The following COL3A1 variants were observed in gnomAD, a reference collection of about 807,000 sequenced individuals.
COL3A1 encodes collagen alpha-1(III) chain.
COL3A1 carries 46 observed loss-of-function variants against 200.9 expected under a neutral mutation model. The ratio of observed to expected loss-of-function variants is 0.23; its 90% CI spans 0.18 to 0.29. COL3A1 has a LOEUF of 0.29. Among genes scored for constraint, COL3A1 ranks in the 10% least tolerant of loss-of-function variants. The pLI is 1.00. For synonymous variants in COL3A1, 650 were observed against 628.0 expected (o/e 1.03, Z -0.52); for missense variants, 1,367 against 1,917.6 (o/e 0.71, Z 5.36).
chr2:188,998,557 A>C (rs187075569), intron 28 of COL3A1, 117 bp from the exon 29 acceptor site: 93 of 1,136,352 alleles, frequency 8.2e-5, no homozygotes, highest in Non-Finnish European at 1.1e-4. Flanking sequence ...CAGTATGCCA[A>C]CATGACAAAT....
Position 188,989,577 on chromosome 2 carries a change from A to G in COL3A1, c.690+128A>G, listed in dbSNP as rs1021224796. On this transcript the variant is annotated intron_variant, in intron 8 of 50. Transcript: ENST00000304636. ...TTCAAAATATTGTTGTCTTAACAAC[A>G]TTTTAGTTAATACTAATTTTTGAGT... The G allele has an allele frequency of 5.6e-6, 4 of 717,270 alleles. No individual in the cohort carries two copies. In the African/African-American group the frequency reaches 7.2e-5, roughly 13 times the overall value. 44.4% of individuals were successfully genotyped at this position (717,270 alleles called of 1,614,324 possible). A position where few individuals can be genotyped will look rare whatever the true frequency, so the allele number is the denominator to read the frequency against.
At chr2:188,987,619 T>C (rs1005319397) in intron 5 of COL3A1, among the ~76,000 whole-genome samples, 2 of 152,142 alleles carry the variant, frequency 1.3e-5, no homozygotes, top group African/African-American at 4.8e-5. Context: ...CTGTGATAGA[T>C]ATATCAACAT....
rs996833144 is a variant in COL3A1 at position 188,989,537 on chromosome 2, GA to G, written c.690+97del. 9.3e-4 allele frequency: 881 copies of G among 945,202 alleles called. 7 individuals are homozygous for G. The African/African-American group carries it at 0.01, about 11-fold the overall frequency. 58.6% of individuals were successfully genotyped at this position (945,202 alleles called of 1,614,324 possible). On this transcript the variant is annotated intron_variant, in intron 8 of 50. Coordinates refer to ENST00000304636, the MANE Select transcript of COL3A1 (RefSeq NM_000090.4). Reference sequence around the variant, plus strand: ...TATGCTTTATGTCAGAATCCCAGAAGAAAAAAAAATGTTATTCAAAATATTG... The same window carrying G: ...TATGCTTTATGTCAGAATCCCAGAAGAAAAAAAATGTTATTCAAAATATTG...
intron 1 of COL3A1, among the ~76,000 whole-genome samples, chr2:188,980,381 ATT>A (rs1687925663): frequency 3.2e-5 from 1 of 30,978 alleles, no homozygotes; most frequent in Non-Finnish European, 6.7e-5. Flanking sequence ...CTTTTAGACA[ATT>A]CTAAAAGATT....
Position 188,990,347 on chromosome 2 carries a change from T to C in COL3A1, c.785T>C (p.Met262Thr), listed in dbSNP as rs772713162. 1.9e-6 allele frequency: 3 copies of C among 1,613,050 alleles called. No homozygotes were observed. The highest frequency in any genetic ancestry group is 1.3e-5 in the African/African-American group (1 of 74,914). ...GCTGGGATACCTGGATTCCCTGGTA[T>C]GAAAGGACACAGAGTAAGTAGAGTT... is the stretch of plus-strand genomic sequence containing the variant. ...GPAGIPGFPGMKGHRGFDGRN... is the reference protein window; with the variant it reads ...GPAGIPGFPGTKGHRGFDGRN... The change falls in exon 10 of 51, where the codon ATG (methionine) becomes ACG (threonine). Residue 262 changes from methionine to threonine, a missense_variant. Physicochemically the swap from Met to Thr is moderately conservative, Grantham distance 81 (BLOSUM62 -1). This residue lies in a region of COL3A1 where 462 missense variants were observed against 681.4 expected (regional missense o/e 0.68). Transcript: ENST00000304636.
intron 1 of COL3A1, among the ~76,000 whole-genome samples, chr2:188,983,812 A>C (rs916866835): frequency 1.3e-4 from 19 of 151,986 alleles, no homozygotes; most frequent in Non-Finnish European, 2.1e-4. Flanking sequence ...TATTTACTCA[A>C]TTACTGGCAA....
rs3134656 is a variant in COL3A1 at position 188,991,945 on chromosome 2, C to T, written c.951+223C>T. Among the ~76,000 whole-genome samples the T allele has an allele frequency of 0.36, 54,012 of 152,036 alleles. 11,542 individuals carry two copies. Among genetic ancestry groups the T allele is most frequent in the East Asian group, 0.6 (3,081 of 5,168 alleles). ...ATTTTTGTGTTAACTTTTCATATGT[C>T]ATTTGAGCCATTATATCTGCATTCA... On this transcript the variant is annotated intron_variant, in intron 13 of 50. Transcript: ENST00000304636.
Position 188,994,097 on chromosome 2 carries a change from C to T in COL3A1, c.1194+15C>T, listed in dbSNP as rs1226825423. 1.2e-6 allele frequency: 2 copies of T among 1,614,116 alleles called. No individual in the cohort carries two copies. The highest frequency in any genetic ancestry group is 2.2e-5 in the South Asian group (2 of 91,088). ...AAGGCGAAATGGTAAGCTGTCCCCACTCCTCAGCCTTATCTCATCCACACA... is the reference window on the plus strand; with the variant it reads ...AAGGCGAAATGGTAAGCTGTCCCCATTCCTCAGCCTTATCTCATCCACACA... On this transcript the variant is annotated intron_variant, in intron 17 of 50. Transcript: ENST00000304636. This position sits in a 1 kb window ranked among gnomAD's most constrained non-coding sequence, Gnocchi z 4.5.
At position 189,008,055 on chromosome 2, in the gene COL3A1, A is replaced by T; in HGVS notation, c.3438A>T (p.Gly1146=). 1 of 1,614,000 alleles carries T rather than the reference A, an allele frequency of 6.2e-7. No individual in the cohort carries two copies. Among genetic ancestry groups the T allele is most frequent in the Non-Finnish European group, 8.5e-7 (1 of 1,179,966 alleles). The change falls in exon 47 of 51, where the codon GGA becomes GGT. Residue 1146 remains glycine (G), a synonymous_variant. Coordinates refer to ENST00000304636, the MANE Select transcript of COL3A1 (RefSeq NM_000090.4). The stretch of plus-strand genomic sequence containing the variant: ...CTTAGGGACCTGTTGGACCCAGTGG[A>T]CCTCCTGGCAAAGATGGAACCAGTG... The part of the protein sequence containing the change: ...AGPRGPVGPS[G]PPGKDGTSGH...
chr2:189,007,480 T>C lies in COL3A1; in HGVS notation c.3256-20T>C. ...TATGTATGTGTGTATATGACTTCAA[T>C]TCAAAATATGTTTCTAAAGGGTCCT... On this transcript the variant is annotated intron_variant, in intron 44 of 50. Transcript: ENST00000304636. 11 of 1,595,202 alleles carry C rather than the reference T, an allele frequency of 6.9e-6. No homozygotes were observed. Among genetic ancestry groups the C allele is most frequent in the Non-Finnish European group, 9.4e-6 (11 of 1,166,472 alleles).
intron 5 of COL3A1, 130 bp from the exon 6 acceptor site, chr2:188,987,951 T>G: frequency 1.4e-6 from 1 of 728,536 alleles, no homozygotes. Context: ...TGAATAGTTA[T>G]CAAAAAGTTA....
chr2:189,009,544 A>G (rs1222942433), intron 48 of COL3A1, among the ~76,000 whole-genome samples: 2 of 152,216 alleles, frequency 1.3e-5, no homozygotes, highest in African/African-American at 4.8e-5. Context: ...AGACAATTAT[A>G]ATCTGATTAT....
intron 47 of COL3A1, 139 bp from the exon 48 acceptor site, chr2:189,008,785 C>A: frequency 1.1e-6 from 1 of 940,436 alleles, no homozygotes; most frequent in Non-Finnish European, 1.7e-6. Flanking sequence ...CTAAAGGCAC[C>A]CAAATAAATC....
rs187565353 is a variant in COL3A1, at chr2:189,001,182, A to G, written c.2284-215A>G. On this transcript the variant is annotated intron_variant, in intron 32 of 50. Coordinates refer to ENST00000304636, the MANE Select transcript of COL3A1 (RefSeq NM_000090.4). ...AATCAATAAACTATTGCTGAATCCT[A>G]TTTTCTCCCAGAGTTATCCCCAAAG... 0.01 allele frequency among the ~76,000 whole-genome samples: 1,595 copies of G among 152,196 alleles called. 12 individuals carry two copies. Among genetic ancestry groups the G allele is most frequent in the Non-Finnish European group, 0.017 (1,186 of 67,992 alleles).
chr2:188,997,450 C>A (rs1688354805), intron 26 of COL3A1, 61 bp downstream of exon 26: 1 of 1,508,270 alleles, frequency 6.6e-7, no homozygotes, highest in African/African-American at 1.4e-5. Flanking sequence ...AGGAAGAATG[C>A]TTCAAAAATT....
chr2:189,011,131 C>A (rs2153504376), intron 50 of COL3A1, among the ~76,000 whole-genome samples: 1 of 152,270 alleles, frequency 6.6e-6, no homozygotes, highest in East Asian at 1.9e-4. Context: ...ATCCATAATG[C>A]AAACTTTATC....
chr2:188,980,300 A>T (rs1192118665), intron 1 of COL3A1, among the ~76,000 whole-genome samples: 1 of 151,052 alleles, frequency 6.6e-6, no homozygotes, highest in Non-Finnish European at 1.5e-5. Context: ...AATTATTTTT[A>T]TTTTTAACAG....
In COL3A1 at chr2:189,004,123, C is replaced by G. The variant is rs768584604; in HGVS notation, c.2803C>G (p.Pro935Ala). 6.2e-7 allele frequency: 1 copy of G among 1,613,910 alleles called. No individual in the cohort carries two copies. Among genetic ancestry groups the G allele is most frequent in the East Asian group, 2.2e-5 (1 of 44,872 alleles). The change falls in exon 39 of 51, where the codon CCT becomes GCT. Residue 935 changes from proline (P) to alanine (A), a missense_variant. This residue lies in a region of COL3A1 where 846 missense variants were observed against 1,147.9 expected (regional missense o/e 0.74). Coordinates refer to ENST00000304636, the MANE Select transcript of COL3A1 (RefSeq NM_000090.4). Reference protein sequence around the residue: ...DAGQPGEKGSPGAQGPPGAPG... With the variant: ...DAGQPGEKGSAGAQGPPGAPG... ...TGGCCAACCAGGAGAGAAGGGATCGCCTGGTGCCCAGGGCCCACCAGTAAG... is the reference window on the plus strand; with the variant it reads ...TGGCCAACCAGGAGAGAAGGGATCGGCTGGTGCCCAGGGCCCACCAGTAAG...
At chr2:188,981,357 C>G (rs1176963921) in intron 1 of COL3A1, among the ~76,000 whole-genome samples, 1 of 151,340 alleles carries the variant, frequency 6.6e-6, no homozygotes, top group Admixed American at 6.6e-5. Context: ...CTTGTGTGAT[C>G]ACAAGTAAAT....
Sources: allele counts gnomAD v4.1 joint callset (sites outside exome capture counted in the v4.1 genomes callset), GRCh38; gene constraint gnomAD v4.1.1; regional missense constraint gnomAD v4.1.1; non-coding constraint Gnocchi (gnomAD v3.1); transcripts MANE v1.5; gene names NCBI Gene and HGNC (gene_info 2026-07-23, HGNC 2026-07-21).